The following BRINP1 variants were observed in gnomAD, a reference collection of about 807,000 sequenced individuals.
BRINP1 encodes BMP/retinoic acid-inducible neural-specific protein 1.
A neutral mutation model predicts 72.9 loss-of-function variants in BRINP1; 17 were observed. That is an observed-to-expected ratio of 0.23 (90% confidence interval 0.16 to 0.35). BRINP1 has a LOEUF of 0.35. BRINP1 is among the 10% of genes least tolerant of loss of function. The pLI is 1.00. For synonymous variants in BRINP1, 418 were observed against 378.5 expected (o/e 1.10, Z -1.21); for missense variants, 850 against 1,001.6 (o/e 0.85, Z 2.04).
intron 1 of BRINP1, among the ~76,000 whole-genome samples, chr9:119,361,551 A>T (rs986073029): frequency 6.6e-6 from 1 of 152,326 alleles, no homozygotes; most frequent in East Asian, 1.9e-4. Context: ...CTTATGAGGA[A>T]GCACAGCTAC....
chr9:119,206,700 A>G (rs146318153), intron 7 of BRINP1, among the ~76,000 whole-genome samples: 39 of 151,968 alleles, frequency 2.6e-4, no homozygotes, highest in African/African-American at 8.9e-4. Flanking sequence ...TGATAAAAGA[A>G]CCCCTCCCCA....
chr9:119,307,245 G>A (rs1202484931), intron 2 of BRINP1, among the ~76,000 whole-genome samples: 3 of 151,910 alleles, frequency 2.0e-5, no homozygotes, highest in Admixed American at 6.6e-5. Context: ...AATTATCCCT[G>A]ACTGACAATA....
chr9:119,338,379 C>T (rs554289049), intron 1 of BRINP1, among the ~76,000 whole-genome samples: 3 of 149,674 alleles, frequency 2.0e-5, no homozygotes, highest in South Asian at 4.2e-4. Context: ...TTTTATATCT[C>T]TTGTCTACTC....
chr9:119,264,528 C>A (rs1171762473), intron 2 of BRINP1, among the ~76,000 whole-genome samples: 3 of 152,200 alleles, frequency 2.0e-5, no homozygotes, highest in Non-Finnish European at 2.9e-5. Flanking sequence ...GTTCAAATTC[C>A]CAGCTCCTTC....
chr9:119,249,672 C>T (rs549444283), intron 2 of BRINP1, among the ~76,000 whole-genome samples: 7 of 152,190 alleles, frequency 4.6e-5, no homozygotes, highest in African/African-American at 1.7e-4. Context: ...GTCTGTCCAT[C>T]TCTCTTGCTA....
intron 7 of BRINP1, among the ~76,000 whole-genome samples, chr9:119,195,555 T>C (rs547784751): frequency 3.1e-4 from 47 of 152,354 alleles, no homozygotes; most frequent in Non-Finnish European, 6.2e-4. Context: ...ATACATAAGG[T>C]ATTTGTCTTG....
intron 2 of BRINP1, among the ~76,000 whole-genome samples, chr9:119,260,076 A>T (rs2118933355): frequency 6.6e-6 from 1 of 152,288 alleles, no homozygotes; most frequent in South Asian, 2.1e-4. Flanking sequence ...ACTAGTTAAG[A>T]AATATCCTTC....
At chr9:119,237,155 T>C (rs1246593767) in intron 5 of BRINP1, among the ~76,000 whole-genome samples, 1 of 152,132 alleles carries the variant, frequency 6.6e-6, no homozygotes, top group East Asian at 1.9e-4. Flanking sequence ...ACCTTTATCA[T>C]ATACCTTTCT....
At chr9:119,213,829 C>T (rs1050923287) in intron 6 of BRINP1, 90 bp downstream of exon 6, 1 of 1,172,284 alleles carries the variant, frequency 8.5e-7, no homozygotes. Context: ...TGAACTTTCC[C>T]TTGCAGCAGT....
intron 2 of BRINP1, among the ~76,000 whole-genome samples, chr9:119,268,008 C>G (rs1036627802): frequency 6.6e-6 from 1 of 151,990 alleles, no homozygotes; most frequent in Non-Finnish European, 1.5e-5. Context: ...TTTGGGAGGC[C>G]GAGACAGGTG....
intron 2 of BRINP1, among the ~76,000 whole-genome samples, chr9:119,284,719 C>T (rs907785983): frequency 7.9e-5 from 12 of 152,194 alleles, no homozygotes; most frequent in Middle Eastern, 3.2e-3. Context: ...GATTGCTCCA[C>T]TCCCTCTTTC....
At chr9:119,187,381 A>T (rs1037699693) in intron 7 of BRINP1, among the ~76,000 whole-genome samples, 1 of 151,950 alleles carries the variant, frequency 6.6e-6, no homozygotes, top group African/African-American at 2.4e-5. Context: ...TAACCTTAAC[A>T]ATCTACCTTG....
At chr9:119,325,379 T>G (rs1535957) in intron 1 of BRINP1, among the ~76,000 whole-genome samples, 1 of 151,928 alleles carries the variant, frequency 6.6e-6, no homozygotes, top group Admixed American at 6.6e-5. Flanking sequence ...TGTGAGAAGC[T>G]TGGGACTTTT....
chr9:119,184,278 C>T (rs1313675373), intron 7 of BRINP1, among the ~76,000 whole-genome samples: 2 of 152,136 alleles, frequency 1.3e-5, no homozygotes, highest in African/African-American at 4.8e-5. Context: ...TGAAGCTCAG[C>T]CACTGCCACA....
chr9:119,193,278 T>C (rs995654773), intron 7 of BRINP1, among the ~76,000 whole-genome samples: 20 of 152,060 alleles, frequency 1.3e-4, no homozygotes, highest in African/African-American at 4.8e-4. Flanking sequence ...ACAACATAGA[T>C]AGATCTACAA....
intron 3 of BRINP1, among the ~76,000 whole-genome samples, chr9:119,243,113 G>T (rs957808458): frequency 6.6e-6 from 1 of 151,802 alleles, no homozygotes. Flanking sequence ...TTGTTACATA[G>T]GTAAACAAAC....
intron 1 of BRINP1, among the ~76,000 whole-genome samples, chr9:119,327,431 T>C (rs907921074): frequency 6.6e-6 from 1 of 152,186 alleles, no homozygotes; most frequent in Non-Finnish European, 1.5e-5. Context: ...AATCAATATT[T>C]ATTGAATGGA....
intron 7 of BRINP1, among the ~76,000 whole-genome samples, chr9:119,206,093 T>G (rs1361339206): frequency 6.6e-6 from 1 of 152,104 alleles, no homozygotes. Context: ...AGGTCAGCTC[T>G]AATCCAATAT....
chr9:119,167,716 G>A lies in BRINP1; in HGVS notation c.1654C>T (p.Arg552Cys). 1 of 1,614,066 alleles carries A rather than the reference G, an allele frequency of 6.2e-7. No individual in the cohort carries two copies. Among genetic ancestry groups the A allele is most frequent in the Non-Finnish European group, 8.5e-7 (1 of 1,179,996 alleles). Residue 552 changes from arginine to cysteine, a missense_variant, in exon 8 of 8, where the codon CGC (arginine) becomes TGC (cysteine). By Grantham distance (180) the Arg-to-Cys change is radical. Coordinates refer to ENST00000265922, the MANE Select transcript of BRINP1 (RefSeq NM_014618.3). The surrounding 1 kb of genome is among the most constrained non-coding windows in gnomAD (Gnocchi z 4.3). ...IGMSMRICQM[R>C]NSSLDPMFFV... is the part of the protein sequence containing the mutation. ...AACATGGGGTCCAGGCTGCTGTTGC[G>A]CATCTGGCAGATGCGCATGGACATG...
Sources: allele counts gnomAD v4.1 joint callset (sites outside exome capture counted in the v4.1 genomes callset), GRCh38; gene constraint gnomAD v4.1.1; non-coding constraint Gnocchi (gnomAD v3.1); transcripts MANE v1.5; gene names NCBI Gene and HGNC (gene_info 2026-07-23, HGNC 2026-07-21).